Variants in ITSN2 observed in about 807,000 individuals in gnomAD.
ITSN2 encodes intersectin 2, also known as intersectin-2.
A neutral mutation model predicts 243.7 loss-of-function variants in ITSN2; 156 were observed. The ratio of observed to expected loss-of-function variants is 0.64; its 90% CI spans 0.56 to 0.73. ITSN2 has a LOEUF of 0.73. ITSN2 is among the 30% of genes least tolerant of loss of function. ITSN2 has a pLI of 0.00. For missense variants in ITSN2, 1,801 were observed against 1,996.1 expected (o/e 0.90, Z 1.86); for synonymous variants, 703 against 699.9 (o/e 1.00, Z -0.07).
chr2:24,343,551 G>T lies in ITSN2; in HGVS notation c.-33-15436C>A, dbSNP rs940374932. 3.3e-5 allele frequency among the ~76,000 whole-genome samples: 5 copies of T among 152,274 alleles called. No homozygotes were observed. The South Asian group carries it at 1.0e-3, about 32-fold the overall frequency. ...TACAATAAACATTCTTCATACATGT[G>T]TGTAAATATAGGTCTGTGGACAGAT... On this transcript the variant is annotated intron_variant, in intron 1 of 39. Transcript: ENST00000355123.
At chr2:24,246,761 C>T in intron 28 of ITSN2, 36 bp downstream of exon 28, 6 of 1,271,764 alleles carry the variant, frequency 4.7e-6, no homozygotes, top group Non-Finnish European at 6.8e-6. Context: ...TAACAAACTC[C>T]TCTAAAATGA....
At position 24,211,115 on chromosome 2, in the gene ITSN2, A is replaced by C. The variant is rs1381247733; in HGVS notation, c.4090-168T>G. ...CCGCCCTTGAGAAACTCGTACTCCC[A>C]CAAGTTCTTGGGGACACAGGGACAG... On this transcript the variant is annotated intron_variant, in intron 33 of 39. Transcript: ENST00000355123. The surrounding 1 kb of genome is among the most constrained non-coding windows in gnomAD (Gnocchi z 4.1). 6.6e-6 allele frequency among the ~76,000 whole-genome samples: 1 copy of C among 152,196 alleles called. No homozygotes were observed. Among genetic ancestry groups the C allele is most frequent in the Non-Finnish European group, 1.5e-5 (1 of 68,036 alleles).
Position 24,275,709 on chromosome 2 carries a change from T to C in ITSN2, c.2081+4A>G, listed in dbSNP as rs781012144. 1.2e-6 allele frequency: 2 copies of C among 1,605,112 alleles called. No homozygotes were observed. The highest frequency in any genetic ancestry group is 1.7e-6 in the Non-Finnish European group (2 of 1,173,994). On this transcript the variant is annotated splice_donor_region_variant and intron_variant, in intron 18 of 39. Coordinates refer to ENST00000355123, the MANE Select transcript of ITSN2 (RefSeq NM_006277.3). ...TAGCACAATAAATATATCAGCTATA[T>C]TACCTTGCAGCCTCATCTTCTAGTT... is the stretch of plus-strand genomic sequence containing the variant.
chr2:24,317,378 G>T (rs1356716893), intron 2 of ITSN2, among the ~76,000 whole-genome samples: 1 of 145,622 alleles, frequency 6.9e-6, no homozygotes, highest in African/African-American at 2.5e-5. Flanking sequence ...AGGGCAAGAC[G>T]CAATCTCAAA....
intron 29 of ITSN2, chr2:24,242,068 T>A (rs546984082): frequency 6.5e-6 from 1 of 152,700 alleles, no homozygotes; most frequent in African/African-American, 2.4e-5. Context: ...TAATCACAAG[T>A]GGCTCTAACA....
intron 17 of ITSN2, among the ~76,000 whole-genome samples, chr2:24,284,442 C>G (rs1259471215): frequency 6.6e-6 from 1 of 152,088 alleles, no homozygotes; most frequent in Non-Finnish European, 1.5e-5. Flanking sequence ...TCACATTTTC[C>G]TTTGAATTGA....
intron 29 of ITSN2, among the ~76,000 whole-genome samples, chr2:24,230,422 T>G (rs955353737): frequency 2.6e-5 from 4 of 152,144 alleles, no homozygotes; most frequent in African/African-American, 4.8e-5. Flanking sequence ...CTCTTTAATC[T>G]GGCAAGGCAG....
intron 15 of ITSN2, among the ~76,000 whole-genome samples, chr2:24,289,865 T>A (rs1345950217): frequency 6.6e-6 from 1 of 152,230 alleles, no homozygotes; most frequent in Non-Finnish European, 1.5e-5. Flanking sequence ...TCTTCCAATG[T>A]GACCCAGGGA....
At chr2:24,299,843 C>T (rs1681493618) in intron 12 of ITSN2, 66 bp downstream of exon 12, 1 of 1,356,016 alleles carries the variant, frequency 7.4e-7, no homozygotes, top group Non-Finnish European at 1.0e-6. Flanking sequence ...ATTTTTTAAT[C>T]AAATGAAATA....
chr2:24,209,539 A>G (rs1669266389), intron 35 of ITSN2, among the ~76,000 whole-genome samples: 1 of 152,218 alleles, frequency 6.6e-6, no homozygotes, highest in Non-Finnish European at 1.5e-5. Flanking sequence ...CGGCTTACAG[A>G]GACCCAATGC....
chr2:24,286,141 A>T (rs1469953114), intron 16 of ITSN2, 71 bp downstream of exon 16: 2 of 849,798 alleles, frequency 2.4e-6, no homozygotes, highest in African/African-American at 3.4e-5. Flanking sequence ...TTAGCTATTT[A>T]TTCTATTAAA....
At chr2:24,208,024 C>T (rs535109730) in intron 37 of ITSN2, among the ~76,000 whole-genome samples, 2 of 151,918 alleles carry the variant, frequency 1.3e-5, no homozygotes, top group East Asian at 1.9e-4. Flanking sequence ...AGGGAGGTCC[C>T]GGAGCTGGCA....
intron 2 of ITSN2, among the ~76,000 whole-genome samples, chr2:24,321,395 T>C (rs934826583): frequency 1.3e-5 from 2 of 152,242 alleles, no homozygotes; most frequent in South Asian, 2.1e-4. Context: ...CAGGAACGTA[T>C]ATCATTGAAA....
chr2:24,299,498 T>C (rs1379187135), intron 12 of ITSN2, among the ~76,000 whole-genome samples: 2 of 152,198 alleles, frequency 1.3e-5, no homozygotes, highest in African/African-American at 2.4e-5. Flanking sequence ...ATCCTCTTGA[T>C]TCCTCTCTAG....
At chr2:24,316,918 T>A (rs1683994497) in intron 2 of ITSN2, among the ~76,000 whole-genome samples, 1 of 152,218 alleles carries the variant, frequency 6.6e-6, no homozygotes, top group Admixed American at 6.5e-5. Context: ...ATCAGAAAGC[T>A]TGACCCACGA....
intron 25 of ITSN2, among the ~76,000 whole-genome samples, chr2:24,251,182 A>C (rs577095129): frequency 1.9e-4 from 28 of 149,654 alleles, no homozygotes; most frequent in African/African-American, 6.9e-4. Flanking sequence ...AAAATTAGCC[A>C]GGCATGGTAG....
rs1021572151 is a variant in ITSN2 at position 24,315,711 on chromosome 2, ATGAG to A, written c.32-491_32-488del. Reference sequence around the variant, plus strand: ...TTTCTCCCTTGTTGTTTTTGTGATAATGAGTGAGTTCCTCACAATAGCTGATGGT... The same window carrying A: ...TTTCTCCCTTGTTGTTTTTGTGATAATGAGTTCCTCACAATAGCTGATGGT... On this transcript the variant is annotated intron_variant, in intron 2 of 39. Coordinates refer to ENST00000355123, the MANE Select transcript of ITSN2 (RefSeq NM_006277.3). Among the ~76,000 whole-genome samples, 38 of 152,080 alleles carry A rather than the reference ATGAG, an allele frequency of 2.5e-4. 1 individual carries two copies. Among genetic ancestry groups the A allele is most frequent in the Admixed American group, 2.2e-3 (34 of 15,276 alleles).
Position 24,334,140 on chromosome 2 carries a change from C to T in ITSN2, c.-33-6025G>A, listed in dbSNP as rs147158813. On this transcript the variant is annotated intron_variant, in intron 1 of 39. Transcript: ENST00000355123. ...ATTGTGCGATCTCAGCTCACTGCAA[C>T]CTCCGCCTCCCAGGTTCAAGCAATT... 7.9e-5 allele frequency among the ~76,000 whole-genome samples: 12 copies of T among 152,090 alleles called. No individual in the cohort carries two copies. In the East Asian group the frequency reaches 2.3e-3, roughly 29 times the overall value.
intron 30 of ITSN2, 47 bp from the exon 31 acceptor site, chr2:24,218,060 C>A: frequency 8.1e-7 from 1 of 1,238,040 alleles, no homozygotes; most frequent in South Asian, 1.2e-5. Context: ...TGTGGATACA[C>A]AGCCTACGTG....
Sources: allele counts gnomAD v4.1 joint callset (sites outside exome capture counted in the v4.1 genomes callset), GRCh38; gene constraint gnomAD v4.1.1; non-coding constraint Gnocchi (gnomAD v3.1); transcripts MANE v1.5; gene names NCBI Gene and HGNC (gene_info 2026-07-23, HGNC 2026-07-21).